KIF5C: variants seen among roughly 807,000 people sequenced by gnomAD.
KIF5C encodes the protein kinesin heavy chain isoform 5C.
Under a neutral mutation model 125.2 loss-of-function variants are expected in KIF5C, and 18 were observed. The ratio of observed to expected loss-of-function variants is 0.14; its 90% confidence interval spans 0.10 to 0.21. The LOEUF is 0.21. Ranked by LOEUF, KIF5C falls within the 10% of genes least tolerant of loss-of-function variation. The pLI is 1.00. For synonymous variants in KIF5C, 405 were observed against 434.0 expected (o/e 0.93, Z 0.83); for missense variants, 780 against 1,183.8 (o/e 0.66, Z 5.01).
chr2:148,961,053 G>A (rs1186423637), intron 10 of KIF5C, among the ~76,000 whole-genome samples: 1 of 152,100 alleles, frequency 6.6e-6, no homozygotes, highest in Non-Finnish European at 1.5e-5. Flanking sequence ...TACTCTCCAG[G>A]TACATCCCTG....
Position 148,876,722 on chromosome 2 carries a change from A to G in KIF5C, c.126+979A>G, listed in dbSNP as rs1048620914. 1.3e-5 allele frequency among the ~76,000 whole-genome samples: 2 copies of G among 152,076 alleles called. No individual in the cohort carries two copies. On this transcript the variant is annotated intron_variant, in intron 1 of 25. Coordinates refer to ENST00000435030, the MANE Select transcript of KIF5C (RefSeq NM_004522.3). The surrounding 1 kb of genome is among the most constrained non-coding windows in gnomAD (Gnocchi z 4.7). ...TAAAGGAATCTGTCAGATGAAACAA[A>G]CCAGCTCGGTCCCCCGCCCCTTCCC...
intron 16 of KIF5C, among the ~76,000 whole-genome samples, chr2:148,993,002 C>T (rs867258224): frequency 2.1e-4 from 32 of 152,210 alleles, no homozygotes; most frequent in African/African-American, 7.0e-4. Flanking sequence ...AGCTCCATGT[C>T]CAACTCCCTT....
intron 24 of KIF5C, 53 bp from the exon 25 acceptor site, chr2:149,011,517 G>GT: frequency 8.1e-6 from 13 of 1,606,980 alleles, no homozygotes; most frequent in Non-Finnish European, 1.1e-5. Context: ...CAGGGTTGCT[G>GT]TTAAGACTTT....
At position 149,025,722 on chromosome 2, in the gene KIF5C, G is replaced by C. The variant is rs1013040737; in HGVS notation, c.*2652G>C. On this transcript the variant is annotated 3_prime_UTR_variant, in exon 26 of 26. Transcript: ENST00000435030. ...ATGAATAATCTTTATCTGCAGGATG[G>C]TGGATTGGTAAATTAGGAGAATGTT... The C allele has an allele frequency of 6.6e-6, 1 of 152,268 alleles. No individual in the cohort carries two copies. The highest frequency in any genetic ancestry group is 2.4e-5 in the African/African-American group (1 of 41,460). The allele number at this position is 152,268 out of a possible 1,614,324, so 9.4% of individuals were successfully genotyped here.
intron 1 of KIF5C, among the ~76,000 whole-genome samples, chr2:148,917,561 G>A (rs546121633): frequency 2.6e-5 from 4 of 152,226 alleles, no homozygotes; most frequent in African/African-American, 7.2e-5. Flanking sequence ...ATGGGTCATC[G>A]TGGTTGGTGA....
intron 2 of KIF5C, among the ~76,000 whole-genome samples, chr2:148,926,992 A>T (rs1682026764): frequency 6.6e-6 from 1 of 152,178 alleles, no homozygotes; most frequent in South Asian, 2.1e-4. Context: ...TCTTACAAAA[A>T]AAGAAGGAGA....
intron 16 of KIF5C, among the ~76,000 whole-genome samples, chr2:148,992,586 A>G (rs1353358666): frequency 6.6e-6 from 1 of 152,198 alleles, no homozygotes; most frequent in Admixed American, 6.5e-5. Flanking sequence ...CAGCTCTTAT[A>G]AAAAATGTAA....
intron 11 of KIF5C, among the ~76,000 whole-genome samples, chr2:148,970,774 T>C (rs1680878253): frequency 6.6e-6 from 1 of 152,254 alleles, no homozygotes; most frequent in Non-Finnish European, 1.5e-5. Context: ...CCCCGGCCCC[T>C]GCCCACTCAG....
At chr2:148,960,262 T>C (rs2105128353) in intron 10 of KIF5C, among the ~76,000 whole-genome samples, 1 of 152,336 alleles carries the variant, frequency 6.6e-6, no homozygotes, top group East Asian at 1.9e-4. Flanking sequence ...CTTTCTGGTA[T>C]CATGTGAAGT....
In KIF5C at chr2:149,018,853, GATCA is replaced by G. The variant is rs944466899; in HGVS notation, c.*8-4222_*8-4219del. On this transcript the variant is annotated intron_variant, in intron 25 of 25. Coordinates refer to ENST00000435030, the MANE Select transcript of KIF5C (RefSeq NM_004522.3). ...TTTCTCAAAAAAACAAACAAAAAAGGATCAATGAGTTTATATATATATATATGGG... is the reference window on the plus strand; with the variant it reads ...TTTCTCAAAAAAACAAACAAAAAAGGATGAGTTTATATATATATATATGGG... 2.2e-4 allele frequency among the ~76,000 whole-genome samples: 33 copies of G among 149,890 alleles called. 1 individual carries two copies. Among genetic ancestry groups the G allele is most frequent in the Admixed American group, 2.2e-3 (33 of 15,188 alleles).
intron 25 of KIF5C, among the ~76,000 whole-genome samples, chr2:149,014,405 TCTC>T (rs1037786063): frequency 2.0e-5 from 3 of 152,160 alleles, no homozygotes; most frequent in Non-Finnish European, 2.9e-5. Context: ...TGACATACCT[TCTC>T]CACACAGCTT....
At chr2:148,999,271 C>G (rs1438797309) in intron 19 of KIF5C, among the ~76,000 whole-genome samples, 1 of 145,350 alleles carries the variant, frequency 6.9e-6, no homozygotes, top group Non-Finnish European at 1.5e-5. Context: ...AGGGTCTACA[C>G]TGTTCCCTCC....
At chr2:148,981,602 G>A in intron 14 of KIF5C, 41 bp downstream of exon 14, 1 of 1,539,066 alleles carries the variant, frequency 6.5e-7, no homozygotes, top group Admixed American at 2.0e-5. Context: ...TTCCTTGGCT[G>A]CCGTTCCTGT....
Position 148,947,768 on chromosome 2 carries a change from C to T in KIF5C, c.714+745C>T, listed in dbSNP as rs1323842203. ...ACCCTGTCTGGAGGCACTGACCTCCCTCGAGCAACATCATAGAGCAAGGCC... is the reference window on the plus strand; with the variant it reads ...ACCCTGTCTGGAGGCACTGACCTCCTTCGAGCAACATCATAGAGCAAGGCC... On this transcript the variant is annotated intron_variant, in intron 8 of 25. Coordinates refer to ENST00000435030, the MANE Select transcript of KIF5C (RefSeq NM_004522.3). 3 of 397,398 alleles carry T rather than the reference C, an allele frequency of 7.5e-6. No individual in the cohort carries two copies. In the Admixed American group the frequency reaches 7.8e-5, roughly 10 times the overall value. The allele number at this position is 397,398 out of a possible 1,614,324, so 24.6% of individuals were successfully genotyped here.
chr2:148,973,282 G>T, intron 11 of KIF5C, 54 bp from the exon 12 acceptor site: 1 of 1,563,096 alleles, frequency 6.4e-7, no homozygotes, highest in Non-Finnish European at 8.6e-7. Flanking sequence ...TCTTCCTGGA[G>T]GGTTGCATAC....
chr2:149,024,226 G>T lies in KIF5C; in HGVS notation c.*1156G>T, dbSNP rs912538473. The T allele has an allele frequency of 3.3e-5, 5 of 152,610 alleles. No homozygotes were observed. The highest frequency in any genetic ancestry group is 1.2e-4 in the African/African-American group (5 of 41,444). The allele number at this position is 152,610 out of a possible 1,614,324, so 9.5% of individuals were successfully genotyped here. The stretch of plus-strand genomic sequence containing the variant: ...TAGTTATTGCTTTATCCAAATACAT[G>T]AATCTAAAGCTGAATCAACCCTTAC... On this transcript the variant is annotated 3_prime_UTR_variant, in exon 26 of 26. Coordinates refer to ENST00000435030, the MANE Select transcript of KIF5C (RefSeq NM_004522.3).
chr2:148,999,569 G>A (rs908250281), intron 19 of KIF5C, among the ~76,000 whole-genome samples: 3 of 152,152 alleles, frequency 2.0e-5, no homozygotes, highest in Admixed American at 2.0e-4. Flanking sequence ...TCTCCTCTTC[G>A]GCCATCCCCT....
intron 7 of KIF5C, among the ~76,000 whole-genome samples, chr2:148,945,805 A>G (rs1682507882): frequency 6.6e-6 from 1 of 152,158 alleles, no homozygotes; most frequent in South Asian, 2.1e-4. Context: ...GCTATTTGGT[A>G]TCCCTTGAGA....
At chr2:148,890,735 G>A (rs1245509978) in intron 1 of KIF5C, among the ~76,000 whole-genome samples, 3 of 152,170 alleles carry the variant, frequency 2.0e-5, no homozygotes, top group Admixed American at 6.5e-5. Context: ...CTCCTTAAAT[G>A]TTGTGTCTTT....
Sources: allele counts gnomAD v4.1 joint callset (sites outside exome capture counted in the v4.1 genomes callset), GRCh38; gene constraint gnomAD v4.1.1; non-coding constraint Gnocchi (gnomAD v3.1); transcripts MANE v1.5; gene names NCBI Gene and HGNC (gene_info 2026-07-23, HGNC 2026-07-21).